RCBTB1: variants seen among roughly 807,000 people sequenced by gnomAD.
The protein encoded by RCBTB1 is RCC1 and BTB domain containing protein 1, also known as RCC1 and BTB domain-containing protein 1.
Under a neutral mutation model 62.4 loss-of-function variants are expected in RCBTB1, and 46 were observed. That is an observed-to-expected ratio of 0.74 (90% CI 0.58 to 0.94). The LOEUF (loss-of-function observed/expected upper bound fraction) is 0.94, where lower values mean the gene tolerates loss of function less well. RCBTB1 is among the 40% of genes least tolerant of loss of function. RCBTB1 has a pLI of 0.00. For missense variants in RCBTB1, 565 were observed against 654.9 expected (o/e 0.86, Z 1.50); for synonymous variants, 222 against 245.8 (o/e 0.90, Z 0.91).
chr13:49,549,635 C>T lies in RCBTB1; in HGVS notation c.868G>A (p.Ala290Thr). The T allele has an allele frequency of 1.2e-6, 2 of 1,610,734 alleles. No homozygotes were observed. The highest frequency in any genetic ancestry group is 1.7e-6 in the Non-Finnish European group (2 of 1,177,946). Residue 290 changes from alanine (A) to threonine (T), a missense_variant, in exon 9 of 13, where the codon GCA (alanine) becomes ACA (threonine). Coordinates refer to ENST00000378302, the MANE Select transcript of RCBTB1 (RefSeq NM_018191.4). ...MVEKERVVEI[A>T]ACHSAHTSAA... ...GACGTGTGGGCAGAGTGACAGGCTG[C>T]AATCTCTACCACCCTGAAAAGTTTT... is the stretch of plus-strand genomic sequence containing the variant.
intron 5 of RCBTB1, among the ~76,000 whole-genome samples, chr13:49,558,348 G>C (rs1041092209): frequency 1.2e-4 from 19 of 152,254 alleles, no homozygotes; most frequent in African/African-American, 4.6e-4. Flanking sequence ...GAACAAACGG[G>C]TTGGAAAATG....
At chr13:49,581,183 C>T (rs1284667685) in intron 1 of RCBTB1, among the ~76,000 whole-genome samples, 2 of 151,816 alleles carry the variant, frequency 1.3e-5, no homozygotes, top group Admixed American at 1.3e-4. Context: ...TTTGGCTGAC[C>T]ACAGAGACAT....
chr13:49,538,023 C>T (rs1960064570), intron 12 of RCBTB1: 1 of 152,238 alleles, frequency 6.6e-6, no homozygotes. Flanking sequence ...TAGTCTCCAT[C>T]TTCCTAGCAT....
chr13:49,559,484 G>A (rs547540072), intron 5 of RCBTB1, among the ~76,000 whole-genome samples: 30 of 152,040 alleles, frequency 2.0e-4, no homozygotes, highest in South Asian at 1.2e-3. Flanking sequence ...GTGAAACCCT[G>A]TCTCTACTAA....
intron 2 of RCBTB1, among the ~76,000 whole-genome samples, chr13:49,578,568 C>T (rs758974477): frequency 6.6e-6 from 1 of 152,170 alleles, no homozygotes; most frequent in Non-Finnish European, 1.5e-5. Flanking sequence ...AATGCAAATA[C>T]AACTGGAATA....
At chr13:49,583,402 G>C (rs1457305699) in intron 1 of RCBTB1, among the ~76,000 whole-genome samples, 1 of 152,012 alleles carries the variant, frequency 6.6e-6, no homozygotes, top group East Asian at 1.9e-4. Context: ...GTGTGTGTGT[G>C]TGTGTGTGTG....
At chr13:49,535,796 G>A (rs562918949) in intron 12 of RCBTB1, among the ~76,000 whole-genome samples, 9 of 152,110 alleles carry the variant, frequency 5.9e-5, no homozygotes, top group African/African-American at 1.4e-4. Context: ...AGGCTGATGC[G>A]GGCAGATCAC....
At chr13:49,559,022 G>C (rs1476999492) in intron 5 of RCBTB1, among the ~76,000 whole-genome samples, 2 of 152,212 alleles carry the variant, frequency 1.3e-5, no homozygotes, top group Non-Finnish European at 2.9e-5. Flanking sequence ...TGGGTCTTCA[G>C]AAGTTTGGTG....
chr13:49,541,760 C>A lies in RCBTB1; in HGVS notation c.1240G>T (p.Asp414Tyr). 1.9e-6 allele frequency: 3 copies of A among 1,613,926 alleles called. No homozygotes were observed. Among genetic ancestry groups the A allele is most frequent in the Non-Finnish European group, 2.5e-6 (3 of 1,179,916 alleles). ...NEDMKEVIEI[D>Y]QFSYPVYRAF... ...CGATACACTGGGTAAGAAAACTGATCGATTTCTATCACTTCCTTCATGTCT... is the reference window on the plus strand; with the variant it reads ...CGATACACTGGGTAAGAAAACTGATAGATTTCTATCACTTCCTTCATGTCT... Residue 414 changes from aspartate to tyrosine, a missense_variant, in exon 11 of 13, where the codon GAT (aspartate) becomes TAT (tyrosine). Physicochemically the swap from Asp to Tyr is radical, Grantham distance 160. Transcript: ENST00000378302.
At chr13:49,539,843 C>A (rs1960216841) in intron 12 of RCBTB1, among the ~76,000 whole-genome samples, 1 of 152,124 alleles carries the variant, frequency 6.6e-6, no homozygotes, top group East Asian at 1.9e-4. Flanking sequence ...TAGCCTCAAA[C>A]AAAAATAAGA....
At chr13:49,547,107 A>G in intron 9 of RCBTB1, 8 of 1,287,146 alleles carry the variant, frequency 6.2e-6, no homozygotes, top group Non-Finnish European at 8.1e-6. Context: ...GGTATGCCAT[A>G]CATGTGCAAT....
rs753443658 is a variant in RCBTB1, at chr13:49,533,238, A to G, written c.*884T>C. On this transcript the variant is annotated 3_prime_UTR_variant, in exon 13 of 13. Transcript: ENST00000378302. ...TCAGCAGTCATAATTTAGGAAGGCA[A>G]GAGTATACTATACATGTCATTATTT... 2.0e-5 allele frequency: 3 copies of G among 152,242 alleles called. No homozygotes were observed. Among genetic ancestry groups the G allele is most frequent in the Non-Finnish European group, 2.9e-5 (2 of 68,050 alleles). The allele number at this position is 152,242 out of a possible 1,614,324, so 9.4% of individuals were successfully genotyped here.
intron 2 of RCBTB1, among the ~76,000 whole-genome samples, chr13:49,575,434 CAA>C (rs34972735): frequency 9.9e-5 from 14 of 141,352 alleles, no homozygotes; most frequent in South Asian, 2.2e-4. Flanking sequence ...ATTGTTCTAC[CAA>C]AAAAAAAAAA....
At chr13:49,565,583 CGGCCGCCCAT>C (rs1566255007) in intron 4 of RCBTB1, among the ~76,000 whole-genome samples, 11 of 135,062 alleles carry the variant, frequency 8.1e-5, no homozygotes, top group South Asian at 2.5e-4. Flanking sequence ...CGTCTCTGCC[CGGCCGCCCAT>C]CGTCTGGGAT....
At chr13:49,563,452 C>T (rs1594314214) in intron 4 of RCBTB1, among the ~76,000 whole-genome samples, 2 of 149,634 alleles carry the variant, frequency 1.3e-5, no homozygotes, top group African/African-American at 2.5e-5. Context: ...CACCTGAGGT[C>T]GGGAGTTCAA....
chr13:49,561,077 C>G (rs1962395769), intron 4 of RCBTB1, among the ~76,000 whole-genome samples: 1 of 152,178 alleles, frequency 6.6e-6, no homozygotes, highest in South Asian at 2.1e-4. Flanking sequence ...ATCATCGTTT[C>G]AGGCATTTCT....
intron 2 of RCBTB1, among the ~76,000 whole-genome samples, chr13:49,577,729 G>A (rs191689523): frequency 8.5e-5 from 13 of 152,236 alleles, no homozygotes; most frequent in East Asian, 3.9e-4. Flanking sequence ...TATGGAAGCC[G>A]ATAGCCAGAG....
chr13:49,566,588 A>G (rs1963027535), intron 4 of RCBTB1, 30 bp downstream of exon 4: 1 of 1,601,214 alleles, frequency 6.2e-7, no homozygotes, highest in Non-Finnish European at 8.5e-7. Context: ...TTTCTTACAA[A>G]CTGAAAAGTT....
At chr13:49,549,783 G>C in intron 8 of RCBTB1, 135 bp from the exon 9 acceptor site, 3 of 1,431,898 alleles carry the variant, frequency 2.1e-6, no homozygotes, top group Non-Finnish European at 2.7e-6. Flanking sequence ...TAGCTGCCAA[G>C]TCACAGCAAC....
Sources: allele counts gnomAD v4.1 joint callset (sites outside exome capture counted in the v4.1 genomes callset), GRCh38; gene constraint gnomAD v4.1.1; transcripts MANE v1.5; gene names NCBI Gene and HGNC (gene_info 2026-07-23, HGNC 2026-07-21).